SEC24C: variants seen among roughly 807,000 people sequenced by gnomAD.
The protein encoded by SEC24C is protein transport protein Sec24C.
Under a neutral mutation model 117.0 loss-of-function variants are expected in SEC24C, and 22 were observed. That is an observed-to-expected ratio of 0.19 (90% CI 0.13 to 0.27). The LOEUF is 0.27. Among genes scored for constraint, SEC24C ranks in the 10% least tolerant of loss-of-function variants. The probability of loss-of-function intolerance (pLI) is 1.00; values close to 1 mark genes in which losing one functional copy is unlikely to be tolerated. For synonymous variants in SEC24C, 506 were observed against 529.4 expected (o/e 0.96, Z 0.61); for missense variants, 1,155 against 1,375.1 (o/e 0.84, Z 2.53).
Position 73,760,191 on chromosome 10 carries a change from G to A in SEC24C, c.655G>A (p.Gly219Arg), listed in dbSNP as rs773600300. ...CTCCAGCTTCACACCCCCAGCTTCA[G>A]GGGGTCCTCGGCTGCCTTCGATGAC... ...QASSFTPPASGGPRLPSMTGP... is the reference protein window; with the variant it reads ...QASSFTPPASRGPRLPSMTGP... Residue 219 changes from glycine to arginine, a missense_variant, in exon 5 of 23, where the codon GGG becomes AGG. Transcript: ENST00000345254. 2.5e-6 allele frequency: 4 copies of A among 1,614,166 alleles called. No homozygotes were observed. In the Admixed American group the frequency reaches 5.0e-5, roughly 20 times the overall value.
intron 2 of SEC24C, among the ~76,000 whole-genome samples, chr10:73,747,631 C>T (rs1051291554): frequency 1.3e-5 from 2 of 148,450 alleles, no homozygotes; most frequent in Admixed American, 6.8e-5. Flanking sequence ...GGATTATAGG[C>T]GTGAGCTACC....
intron 5 of SEC24C, 143 bp downstream of exon 5, chr10:73,760,529 A>G (rs1360448790): frequency 8.3e-7 from 1 of 1,199,960 alleles, no homozygotes; most frequent in Non-Finnish European, 1.1e-6. Context: ...TTCCTAGGAT[A>G]TGGGGTTTGT....
intron 21 of SEC24C, 36 bp from the exon 22 acceptor site, chr10:73,770,673 G>A: frequency 6.2e-7 from 1 of 1,606,264 alleles, no homozygotes; most frequent in Non-Finnish European, 8.5e-7. Flanking sequence ...AACTCAGAGT[G>A]CCTTACCATA....
rs149497047 is a variant in SEC24C at position 73,769,277 on chromosome 10, C to T, written c.2425-70C>T. The T allele has an allele frequency of 6.3e-7, 1 of 1,595,260 alleles. No homozygotes were observed. Among genetic ancestry groups the T allele is most frequent in the African/African-American group, 1.3e-5 (1 of 74,496 alleles). ...ACGGGAGTGGCTCATTTCTCTCTTC[C>T]AGTTTAATAGTGTAGCAAAGGGCCT... On this transcript the variant is annotated intron_variant, in intron 17 of 22. Transcript: ENST00000345254. This position sits in a 1 kb window ranked among gnomAD's most constrained non-coding sequence, Gnocchi z 4.5.
intron 15 of SEC24C, 44 bp from the exon 16 acceptor site, chr10:73,768,766 C>T: frequency 6.3e-7 from 1 of 1,584,904 alleles, no homozygotes; most frequent in Non-Finnish European, 8.7e-7. Context: ...GCACGATGAG[C>T]TATGTCTAGT....
At position 73,763,840 on chromosome 10, in the gene SEC24C, C is replaced by A. The variant is rs35488689; in HGVS notation, c.1100-16C>A. ...GATTCTGTGATCTGACTCGGGTCTT[C>A]TGCCTCCTTCTTCAGGGAATGCAAG... is the stretch of plus-strand genomic sequence containing the variant. On this transcript the variant is annotated splice_polypyrimidine_tract_variant and intron_variant, in intron 7 of 22. Transcript: ENST00000345254. 6.2e-7 allele frequency: 1 copy of A among 1,612,320 alleles called. No individual in the cohort carries two copies. The highest frequency in any genetic ancestry group is 1.1e-5 in the South Asian group (1 of 90,912).
intron 8 of SEC24C, 112 bp downstream of exon 8, chr10:73,764,095 C>T (rs915337593): frequency 1.8e-5 from 24 of 1,367,696 alleles, no homozygotes; most frequent in Non-Finnish European, 2.3e-5. Flanking sequence ...TTTAGTTAGG[C>T]AGGAGAGGAG....
Position 73,765,576 on chromosome 10 carries a change from C to T in SEC24C, c.1353C>T (p.Ser451=), listed in dbSNP as rs1212568826. The T allele has an allele frequency of 6.2e-7, 1 of 1,613,742 alleles. No homozygotes were observed. Among genetic ancestry groups the T allele is most frequent in the Admixed American group, 1.7e-5 (1 of 60,020 alleles). The change falls in exon 9 of 23, where the codon AGC becomes AGT. Residue 451 remains serine (S), a synonymous_variant. Coordinates refer to ENST00000345254, the MANE Select transcript of SEC24C (RefSeq NM_198597.3). Reference sequence around the variant, plus strand: ...GGCGTTTCCAGTGCTGTTTTTGCAGCTGTATCAATGATGGTATGTTCATGG... The same window carrying T: ...GGCGTTTCCAGTGCTGTTTTTGCAGTTGTATCAATGATGGTATGTTCATGG... ...GGRRFQCCFC[S]CINDVPPQYF...
At position 73,746,957 on chromosome 10, in the gene SEC24C, G is replaced by A. The variant is rs1276396731; in HGVS notation, c.125G>A (p.Gly42Glu). The change falls in exon 2 of 23, where the codon GGA becomes GAA. Residue 42 changes from glycine (G) to glutamate (E), a missense_variant. Gly to Glu is a moderately conservative substitution (Grantham distance 98, BLOSUM62 -2). Around this residue, in one of 2 missense-constraint regions of SEC24C, gnomAD observed 396 missense variants for 382.8 expected, o/e 1.03. Transcript: ENST00000345254. Reference protein sequence around the residue: ...SGSTAPAIPYGAYNGPVPGYQ... With the variant: ...SGSTAPAIPYEAYNGPVPGYQ... The stretch of plus-strand genomic sequence containing the variant: ...TCCACAGCCCCCGCCATTCCCTATG[G>A]AGCCTACAATGGCCCAGTACCAGGC... The A allele has an allele frequency of 6.2e-7, 1 of 1,614,010 alleles. No individual in the cohort carries two copies. Among genetic ancestry groups the A allele is most frequent in the Non-Finnish European group, 8.5e-7 (1 of 1,179,958 alleles).
At chr10:73,756,017 A>G (rs1296387805) in intron 3 of SEC24C, among the ~76,000 whole-genome samples, 1 of 151,966 alleles carries the variant, frequency 6.6e-6, no homozygotes, top group African/African-American at 2.4e-5. Flanking sequence ...ATGCCCGGCT[A>G]ATTTTTGTAT....
Position 73,766,442 on chromosome 10 carries a change from A to G in SEC24C, c.1700A>G (p.Gln567Arg). 6.2e-7 allele frequency: 1 copy of G among 1,614,208 alleles called. No homozygotes were observed. Among genetic ancestry groups the G allele is most frequent in the Non-Finnish European group, 8.5e-7 (1 of 1,180,040 alleles). ...HFYNVKSSLA[Q>R]PQMMVVSDVA... ...TATAATGTGAAGAGCTCATTGGCCC[A>G]GCCACAGATGATGGTTGTGTCTGAT... The change falls in exon 12 of 23, where the codon CAG becomes CGG. Residue 567 changes from glutamine to arginine, a missense_variant. Coordinates refer to ENST00000345254, the MANE Select transcript of SEC24C (RefSeq NM_198597.3).
chr10:73,766,537 A>G lies in SEC24C; in HGVS notation c.1795A>G (p.Thr599Ala). 3 of 1,606,132 alleles carry G rather than the reference A, an allele frequency of 1.9e-6. No individual in the cohort carries two copies. Among genetic ancestry groups the G allele is most frequent in the Non-Finnish European group, 2.5e-6 (3 of 1,178,050 alleles). Residue 599 changes from threonine to alanine, a missense_variant, in exon 12 of 23, where the codon ACC becomes GCC. This residue lies in a region of SEC24C where 759 missense variants were observed against 992.3 expected (regional missense o/e 0.76). Coordinates refer to ENST00000345254, the MANE Select transcript of SEC24C (RefSeq NM_198597.3). Reference protein sequence around the residue: ...VNVNESRAVITSLLDQIPEMF... With the variant: ...VNVNESRAVIASLLDQIPEMF... ...CGTCAATGAGTCTCGGGCAGTTATC[A>G]CCAGGTAAGAGCCAGATTGTGGAGG...
rs189795048 is a variant in SEC24C at position 73,755,991 on chromosome 10, A to G, written c.309-3631A>G. ...CTCAGCCTCCCAAGTAGCTGGGACT[A>G]CAGATGTGGGCCACCATGCCCGGCT... is the stretch of plus-strand genomic sequence containing the variant. On this transcript the variant is annotated intron_variant, in intron 3 of 22. Coordinates refer to ENST00000345254, the MANE Select transcript of SEC24C (RefSeq NM_198597.3). 2.4e-3 allele frequency among the ~76,000 whole-genome samples: 363 copies of G among 152,022 alleles called. 1 individual carries two copies. The highest frequency in any genetic ancestry group is 8.4e-3 in the African/African-American group (348 of 41,480).
chr10:73,764,246 C>T (rs1002749631), intron 8 of SEC24C, among the ~76,000 whole-genome samples: 2 of 151,844 alleles, frequency 1.3e-5, no homozygotes, highest in African/African-American at 4.8e-5. Flanking sequence ...AGGGCCAGGC[C>T]AGGCGCAGTG....
Position 73,768,895 on chromosome 10 carries a change from G to A in SEC24C, c.2267G>A (p.Arg756Gln), listed in dbSNP as rs1248229530. 6.2e-7 allele frequency: 1 copy of A among 1,614,152 alleles called. No homozygotes were observed. Among genetic ancestry groups the A allele is most frequent in the African/African-American group, 1.3e-5 (1 of 75,040 alleles). The change falls in exon 16 of 23, where the codon CGG becomes CAG. Residue 756 changes from arginine to glutamine, a missense_variant. Arg to Gln is a conservative substitution (Grantham distance 43). Coordinates refer to ENST00000345254, the MANE Select transcript of SEC24C (RefSeq NM_198597.3). ...GGCTTTGATGCTGTGATGCGGGTCC[G>A]GACAAGCACTGGTCAGTCCTGATTG... is the stretch of plus-strand genomic sequence containing the variant. ...VVGFDAVMRV[R>Q]TSTGIRAVDF...
At chr10:73,744,678 G>T (rs1158824949) in intron 1 of SEC24C, among the ~76,000 whole-genome samples, 1 of 152,068 alleles carries the variant, frequency 6.6e-6, no homozygotes, top group African/African-American at 2.4e-5. Context: ...CAAGACGTTT[G>T]GTCTCTGTGC....
intron 13 of SEC24C, 91 bp downstream of exon 13, chr10:73,766,944 G>C: frequency 7.2e-7 from 1 of 1,389,474 alleles, no homozygotes; most frequent in Non-Finnish European, 1.0e-6. Flanking sequence ...CTTCAGTAGT[G>C]GGTGACTGTC....
Position 73,770,961 on chromosome 10 carries a change from G to C in SEC24C, c.3151G>C (p.Val1051Leu). The C allele has an allele frequency of 6.2e-7, 1 of 1,614,160 alleles. No homozygotes were observed. Among genetic ancestry groups the C allele is most frequent in the East Asian group, 2.2e-5 (1 of 44,884 alleles). ...AQRSRYMKLT[V>L]VKQEDKMEML... ...CCCTGAATTCTGGCCGTAGCTTACC[G>C]TGGTGAAACAGGAAGACAAGATGGA... Residue 1051 changes from valine to leucine, a missense_variant, in exon 23 of 23, where the codon GTG (valine) becomes CTG (leucine). Transcript: ENST00000345254.
In SEC24C at chr10:73,749,154, C is replaced by T. The variant is rs550689999; in HGVS notation, c.173-1954C>T. On this transcript the variant is annotated intron_variant, in intron 2 of 22. Transcript: ENST00000345254. ...TTCCTGTGGGTATCACCTTGTGCAG[C>T]CTTACCTGGTCACATTGTTCAGAGC... Among the ~76,000 whole-genome samples, 13 of 152,324 alleles carry T rather than the reference C, an allele frequency of 8.5e-5. No individual in the cohort carries two copies. The South Asian group carries it at 2.5e-3, about 29-fold the overall frequency.
Sources: gnomAD v4.1 joint callset for allele counts (sites outside exome capture counted in the v4.1 genomes callset) on GRCh38, gnomAD v4.1.1 for gene constraint, gnomAD v4.1.1 regional missense constraint, Gnocchi (gnomAD v3.1) non-coding constraint, MANE v1.5 for transcripts, NCBI Gene and HGNC (gene_info 2026-07-23, HGNC 2026-07-21) for gene names.